LRTM3: variants seen among roughly 807,000 people sequenced by gnomAD.
LRTM3 encodes the protein leucine-rich repeat transmembrane protein 3.
At chr13:102,736,416 C>T in the LRTM3 span, 1 of 1,551,124 alleles carries the variant, frequency 6.4e-7, no homozygotes, top group Non-Finnish European at 8.7e-7. Context: ...ACTGTTTGTA[C>T]TCTGTCTTCT....
At chr13:102,742,833 C>G in the LRTM3 span, 75 of 1,550,442 alleles carry the variant, frequency 4.8e-5, no homozygotes, top group Non-Finnish European at 6.2e-5. Flanking sequence ...AAAGCATTTT[C>G]TTTTAAAACA....
At chr13:102,737,801 C>G in the LRTM3 span, 1 of 1,550,488 alleles carries the variant, frequency 6.4e-7, no homozygotes, top group Non-Finnish European at 8.7e-7. Flanking sequence ...TTGTAAAATA[C>G]CAGGTCTGAT....
the LRTM3 span, chr13:102,758,990 G>A: frequency 9.4e-7 from 1 of 1,068,248 alleles, no homozygotes; most frequent in Non-Finnish European, 1.3e-6. Context: ...GATTTCAGAG[G>A]CCCTGAAATA....
chr13:102,742,079 T>G, the LRTM3 span: 1 of 1,550,548 alleles, frequency 6.4e-7, no homozygotes, highest in Non-Finnish European at 8.7e-7. Flanking sequence ...TTTTGGCTTG[T>G]CTTTCTCCAT....
chr13:102,749,990 A>G, the LRTM3 span: 1 of 1,550,460 alleles, frequency 6.4e-7, no homozygotes, highest in Non-Finnish European at 8.7e-7. Flanking sequence ...TAAGTGGGCA[A>G]GAGGGCAAGG....
chr13:102,753,409 G>T, the LRTM3 span, among the ~76,000 whole-genome samples: 6 of 150,920 alleles, frequency 4.0e-5, no homozygotes, highest in South Asian at 6.3e-4. Flanking sequence ...CGGGTTGATA[G>T]GTGCAGCAAA....
the LRTM3 span, chr13:102,745,751 T>C: frequency 1.6e-4 from 248 of 1,551,080 alleles, no homozygotes; most frequent in Non-Finnish European, 2.1e-4. Context: ...TTCTCTTGCA[T>C]AAAATATGAT....
At chr13:102,737,124 C>T in the LRTM3 span, 1 of 1,551,128 alleles carries the variant, frequency 6.4e-7, no homozygotes, top group Non-Finnish European at 8.7e-7. Flanking sequence ...GATAATTGCT[C>T]TGCCTCAAAA....
chr13:102,744,105 A>T, the LRTM3 span: 1 of 1,550,692 alleles, frequency 6.4e-7, no homozygotes. Context: ...ATACTTGTGT[A>T]CCATTGCTTC....
At chr13:102,734,495 A>G in the LRTM3 span, 1 of 1,551,342 alleles carries the variant, frequency 6.4e-7, no homozygotes, top group Non-Finnish European at 8.7e-7. Flanking sequence ...GTTCACATGC[A>G]GTTCTGTTCT....
chr13:102,737,725 G>T, the LRTM3 span: 2 of 1,550,234 alleles, frequency 1.3e-6, no homozygotes, highest in South Asian at 2.4e-5. Flanking sequence ...CTTCACTTGC[G>T]CTATCACCCT....
chr13:102,747,234 T>C, the LRTM3 span: 1 of 1,550,428 alleles, frequency 6.4e-7, no homozygotes, highest in African/African-American at 1.4e-5. Context: ...TTTAATCTGC[T>C]ATACATTCTA....
At chr13:102,745,024 TA>T in the LRTM3 span, 1 of 1,550,924 alleles carries the variant, frequency 6.4e-7, no homozygotes, top group South Asian at 1.2e-5. Flanking sequence ...TTACTGTACA[TA>T]TTGTGCCATT....
the LRTM3 span, chr13:102,736,245 C>T: frequency 2.6e-6 from 4 of 1,550,238 alleles, no homozygotes; most frequent in South Asian, 4.8e-5. Flanking sequence ...TGAGGACGTC[C>T]TGTCCTGTCC....
At chr13:102,741,664 A>G in the LRTM3 span, 1 of 1,550,320 alleles carries the variant, frequency 6.5e-7, no homozygotes, top group Non-Finnish European at 8.7e-7. Flanking sequence ...TCTTCTGTTG[A>G]GAAGTATCCA....
chr13:102,737,142 C>T, the LRTM3 span: 1 of 1,551,078 alleles, frequency 6.4e-7, no homozygotes, highest in Non-Finnish European at 8.7e-7. Flanking sequence ...AAAATTGTGC[C>T]TTCAGGTTGC....
chr13:102,733,103 G>T, the LRTM3 span: 1 of 1,551,364 alleles, frequency 6.4e-7, no homozygotes. Flanking sequence ...TGTTTCCGAT[G>T]GTGTCTTCTG....
chr13:102,735,060 G>A, the LRTM3 span: 1 of 1,551,240 alleles, frequency 6.4e-7, no homozygotes, highest in Non-Finnish European at 8.7e-7. Flanking sequence ...TTCACATTAA[G>A]GTGAAGTGGG....
At chr13:102,740,689 A>T in the LRTM3 span, 1 of 1,547,950 alleles carries the variant, frequency 6.5e-7, no homozygotes, top group African/African-American at 1.4e-5. Flanking sequence ...CATTGAACTG[A>T]AATAGATCTG....
Sources: allele counts gnomAD v4.1 joint callset (sites outside exome capture counted in the v4.1 genomes callset), GRCh38; gene constraint gnomAD v4.1.1; transcripts MANE v1.5; gene names NCBI Gene and HGNC (gene_info 2026-07-23, HGNC 2026-07-21).